GFOD2: variants seen among roughly 807,000 people sequenced by gnomAD.
GFOD2 encodes the protein Gfo/Idh/MocA-like oxidoreductase domain containing 2.
A neutral mutation model predicts 24.6 loss-of-function variants in GFOD2; 9 were observed. That is an observed-to-expected ratio of 0.37 (90% CI 0.22 to 0.64). The LOEUF (loss-of-function observed/expected upper bound fraction) is 0.64. Among genes scored for constraint, GFOD2 ranks in the 30% least tolerant of loss-of-function variants. The probability of loss-of-function intolerance (pLI) is 0.65; values close to 1 mark genes in which losing one functional copy is unlikely to be tolerated. For synonymous variants in GFOD2, 211 were observed against 224.8 expected (o/e 0.94, Z 0.55); for missense variants, 476 against 532.5 (o/e 0.89, Z 1.04).
intron 1 of GFOD2, among the ~76,000 whole-genome samples, chr16:67,711,159 T>G (rs1022338152): frequency 2.0e-5 from 3 of 152,180 alleles, no homozygotes; most frequent in African/African-American, 7.2e-5. Context: ...TGATGCTCTG[T>G]GTTCAGGCAT....
In GFOD2 at chr16:67,684,827, T is replaced by C. The variant is rs952668282; in HGVS notation, c.259+630A>G. On this transcript the variant is annotated intron_variant, in intron 2 of 2. Transcript: ENST00000268797. ...GGAAATAGAAGACCAACGGGAACTGTAGGAGAACAGCTCAGCAGGCCATGC... is the reference window on the plus strand; with the variant it reads ...GGAAATAGAAGACCAACGGGAACTGCAGGAGAACAGCTCAGCAGGCCATGC... 1.3e-5 allele frequency: 13 copies of C among 986,610 alleles called. No homozygotes were observed. In the South Asian group the frequency reaches 2.3e-4, roughly 18 times the overall value. The allele number at this position is 986,610 out of a possible 1,614,324, so 61.1% of individuals were successfully genotyped here. A position where few individuals can be genotyped will look rare whatever the true frequency, so the allele number is the denominator to read the frequency against.
At position 67,676,331 on chromosome 16, in the gene GFOD2, C is replaced by T. The variant is rs1279568635; in HGVS notation, c.260-278G>A. The T allele has an allele frequency of 1.5e-5, 6 of 398,810 alleles. No homozygotes were observed. The East Asian group carries it at 3.1e-4, about 20-fold the overall frequency. 24.7% of individuals were successfully genotyped at this position (398,810 alleles called of 1,614,324 possible). A position where few individuals can be genotyped will look rare whatever the true frequency, so the allele number is the denominator to read the frequency against. On this transcript the variant is annotated intron_variant, in intron 2 of 2. Transcript: ENST00000268797. ...TTTTTTGTAGAGATGGGGTCCTCCT[C>T]TGTTGCCTAGGCAGGGCCCAAGTGA...
chr16:67,714,354 C>T (rs2142997950), intron 1 of GFOD2, among the ~76,000 whole-genome samples: 1 of 151,676 alleles, frequency 6.6e-6, no homozygotes, highest in East Asian at 1.9e-4. Flanking sequence ...AGGCGCACAC[C>T]TGTAATCCCA....
At chr16:67,712,838 G>A (rs2053485394) in intron 1 of GFOD2, among the ~76,000 whole-genome samples, 1 of 98,492 alleles carries the variant, frequency 1.0e-5, no homozygotes, top group South Asian at 3.4e-4. Flanking sequence ...TGGGAAGCGA[G>A]GAGCGCCTCT....
chr16:67,692,935 C>T (rs1032942084), intron 1 of GFOD2, among the ~76,000 whole-genome samples: 6 of 151,336 alleles, frequency 4.0e-5, no homozygotes, highest in Non-Finnish European at 5.9e-5. Context: ...GAGGCTGAGG[C>T]GGGAGAATGG....
chr16:67,696,367 A>G (rs1415998529), intron 1 of GFOD2, among the ~76,000 whole-genome samples: 1 of 150,494 alleles, frequency 6.6e-6, no homozygotes, highest in Non-Finnish European at 1.5e-5. Context: ...ACCAACTTAG[A>G]TGTCTCCTCT....
intron 1 of GFOD2, among the ~76,000 whole-genome samples, chr16:67,701,096 G>A (rs552240005): frequency 5.3e-5 from 8 of 151,452 alleles, no homozygotes; most frequent in Non-Finnish European, 7.4e-5. Flanking sequence ...TACAATGTCT[G>A]AAATTCAGAA....
intron 1 of GFOD2, among the ~76,000 whole-genome samples, chr16:67,715,981 C>G (rs553953430): frequency 1.4e-4 from 21 of 152,310 alleles, no homozygotes; most frequent in Admixed American, 1.0e-3. Context: ...GTACTCCAGG[C>G]TTGGTGACAG....
At position 67,674,974 on chromosome 16, in the gene GFOD2, C is replaced by T; in HGVS notation, c.*181G>A. On this transcript the variant is annotated 3_prime_UTR_variant, in exon 3 of 3. Coordinates refer to ENST00000268797, the MANE Select transcript of GFOD2 (RefSeq NM_030819.4). ...ACCTGGCAACAGGAACATTTGCCAC[C>T]CTGCAAGTCTGAGGAGCAGATGAGC... 1 of 676,280 alleles carries T rather than the reference C, an allele frequency of 1.5e-6. No homozygotes were observed. The highest frequency in any genetic ancestry group is 2.7e-5 in the East Asian group (1 of 37,036). 41.9% of individuals were successfully genotyped at this position (676,280 alleles called of 1,614,324 possible).
At chr16:67,704,299 C>G (rs1177396712) in intron 1 of GFOD2, among the ~76,000 whole-genome samples, 1 of 152,200 alleles carries the variant, frequency 6.6e-6, no homozygotes, top group Non-Finnish European at 1.5e-5. Context: ...TTTGTGTCAG[C>G]TGAAAATGAG....
intron 1 of GFOD2, among the ~76,000 whole-genome samples, chr16:67,713,481 A>T (rs893443197): frequency 2.6e-5 from 4 of 152,134 alleles, no homozygotes; most frequent in African/African-American, 9.7e-5. Flanking sequence ...CCGACTTCCA[A>T]TGCCATCAAA....
At chr16:67,678,727 A>G (rs2053202429) in intron 2 of GFOD2, among the ~76,000 whole-genome samples, 1 of 152,188 alleles carries the variant, frequency 6.6e-6, no homozygotes, top group Non-Finnish European at 1.5e-5. Flanking sequence ...TTACAGGGGA[A>G]GAAAGGAGGA....
At chr16:67,713,965 T>C (rs927212552) in intron 1 of GFOD2, among the ~76,000 whole-genome samples, 5 of 151,632 alleles carry the variant, frequency 3.3e-5, no homozygotes, top group African/African-American at 7.3e-5. Flanking sequence ...AGGGATTTGG[T>C]TGGTGCAAAA....
intron 2 of GFOD2, chr16:67,682,347 T>A (rs2053233060): frequency 2.0e-6 from 2 of 985,226 alleles, no homozygotes; most frequent in Non-Finnish European, 2.4e-6. Context: ...GCAAACTTAG[T>A]GTTTTTCTAA....
chr16:67,713,207 CATAA>C (rs2053487969), intron 1 of GFOD2, among the ~76,000 whole-genome samples: 1 of 151,836 alleles, frequency 6.6e-6, no homozygotes, highest in South Asian at 2.1e-4. Flanking sequence ...TTCATGTTAT[CATAA>C]ATAGTTTTAT....
chr16:67,716,990 A>G (rs2053511151), intron 1 of GFOD2, among the ~76,000 whole-genome samples: 1 of 152,140 alleles, frequency 6.6e-6, no homozygotes, highest in South Asian at 2.1e-4. Context: ...TTTGCCTCCC[A>G]GGTTCAAGCG....
chr16:67,717,654 G>C (rs1361486410), intron 1 of GFOD2, among the ~76,000 whole-genome samples: 1 of 152,156 alleles, frequency 6.6e-6, no homozygotes, highest in Non-Finnish European at 1.5e-5. Flanking sequence ...AGCTGGGCGT[G>C]GTGGTACATG....
intron 1 of GFOD2, among the ~76,000 whole-genome samples, chr16:67,687,887 A>G (rs1198259592): frequency 6.6e-6 from 1 of 151,954 alleles, no homozygotes; most frequent in Non-Finnish European, 1.5e-5. Flanking sequence ...GCTGAGGTAG[A>G]AGGATCGCTT....
intron 1 of GFOD2, among the ~76,000 whole-genome samples, chr16:67,689,930 C>A (rs773240295): frequency 6.6e-6 from 1 of 152,080 alleles, no homozygotes; most frequent in Non-Finnish European, 1.5e-5. Context: ...TGAAATCATG[C>A]GTTATTTGTG....
Sources: allele counts gnomAD v4.1 joint callset (sites outside exome capture counted in the v4.1 genomes callset), GRCh38; gene constraint gnomAD v4.1.1; transcripts MANE v1.5; gene names NCBI Gene and HGNC (gene_info 2026-07-23, HGNC 2026-07-21).